The following ADARB2 variants were observed in gnomAD, a reference collection of about 807,000 sequenced individuals.
The protein encoded by ADARB2 is adenosine deaminase RNA specific B2 (inactive).
A neutral mutation model predicts 62.2 loss-of-function variants in ADARB2; 25 were observed. The ratio of observed to expected loss-of-function variants is 0.40; its 90% CI spans 0.29 to 0.56. The LOEUF is 0.56. Ranked by LOEUF, ADARB2 falls within the 20% of genes least tolerant of loss-of-function variation. The pLI is 0.43. For missense variants in ADARB2, 1,071 were observed against 1,077.4 expected (o/e 0.99, Z 0.08); for synonymous variants, 572 against 500.8 (o/e 1.14, Z -1.90).
At chr10:1,713,736 C>T (rs542213456) in intron 1 of ADARB2, among the ~76,000 whole-genome samples, 97 of 152,302 alleles carry the variant, frequency 6.4e-4, no homozygotes, top group Middle Eastern at 6.8e-3. Context: ...TGCCATGCTC[C>T]GGTCCCGTGG....
chr10:1,480,733 C>G (rs1033701855), intron 1 of ADARB2, among the ~76,000 whole-genome samples: 1 of 151,860 alleles, frequency 6.6e-6, no homozygotes, highest in Non-Finnish European at 1.5e-5. Flanking sequence ...ATGGTCTCAT[C>G]TAAAAGAATA....
rs375100582 is a variant in ADARB2 at position 1,302,086 on chromosome 10, C to T, written c.1078-31017G>A. Among the ~76,000 whole-genome samples the T allele has an allele frequency of 3.3e-3, 495 of 152,286 alleles. 7 individuals are homozygous for T. The highest frequency in any genetic ancestry group is 9.9e-3 in the East Asian group (51 of 5,172). On this transcript the variant is annotated intron_variant, in intron 3 of 9. Transcript: ENST00000381312. ...CTCCCAGCCTGAGCGACGCAGAAGA[C>T]GGGTGATTTCTGCATTTCCATCTGA... is the stretch of plus-strand genomic sequence containing the variant.
intron 1 of ADARB2, among the ~76,000 whole-genome samples, chr10:1,605,631 A>T (rs1441890082): frequency 6.6e-6 from 1 of 152,246 alleles, no homozygotes; most frequent in Non-Finnish European, 1.5e-5. Context: ...GCTTTTTATA[A>T]CTATTTTCTT....
Position 1,459,774 on chromosome 10 carries a change from T to A in ADARB2, c.101-80614A>T, listed in dbSNP as rs191273418. 6.9e-3 allele frequency among the ~76,000 whole-genome samples: 1,049 copies of A among 152,022 alleles called. 1 individual carries two copies. Among genetic ancestry groups the A allele is most frequent in the South Asian group, 0.027 (132 of 4,808 alleles). The stretch of plus-strand genomic sequence containing the variant: ...GAAACTCTGTCTCAAAAAAAAAGAA[T>A]GATGAAGCCACATGGACTCAGAGAG... On this transcript the variant is annotated intron_variant, in intron 1 of 9. Transcript: ENST00000381312.
At chr10:1,259,072 G>A (rs180788277) in intron 4 of ADARB2, among the ~76,000 whole-genome samples, 1 of 152,164 alleles carries the variant, frequency 6.6e-6, no homozygotes, top group African/African-American at 2.4e-5. Context: ...CGAAATGAAG[G>A]CAGAAATAAA....
chr10:1,318,837 C>T (rs1382524251), intron 3 of ADARB2, among the ~76,000 whole-genome samples: 1 of 152,184 alleles, frequency 6.6e-6, no homozygotes, highest in Non-Finnish European at 1.5e-5. Flanking sequence ...TCTCAGATCA[C>T]ACCCCACAAA....
chr10:1,309,063 G>A (rs1325566902), intron 3 of ADARB2, among the ~76,000 whole-genome samples: 2 of 152,092 alleles, frequency 1.3e-5, no homozygotes, highest in African/African-American at 4.8e-5. Flanking sequence ...TAGACTAACC[G>A]AAGTCCATGC....
intron 1 of ADARB2, among the ~76,000 whole-genome samples, chr10:1,709,977 G>C (rs11250755): frequency 2.6e-4 from 39 of 152,274 alleles, no homozygotes; most frequent in Non-Finnish European, 4.9e-4. Context: ...TTCCTTCCTG[G>C]TCATTTTATG....
intron 1 of ADARB2, among the ~76,000 whole-genome samples, chr10:1,662,047 G>T (rs952081260): frequency 6.6e-6 from 1 of 152,186 alleles, no homozygotes; most frequent in African/African-American, 2.4e-5. Flanking sequence ...CCCCAGGGAG[G>T]TCCACACCCT....
chr10:1,229,169 T>C (rs1830774861), intron 6 of ADARB2, among the ~76,000 whole-genome samples: 1 of 152,304 alleles, frequency 6.6e-6, no homozygotes, highest in South Asian at 2.1e-4. Flanking sequence ...CCTCCAGGAA[T>C]GGGGAATTTA....
chr10:1,644,594 C>T (rs1834015940), intron 1 of ADARB2, among the ~76,000 whole-genome samples: 1 of 152,270 alleles, frequency 6.6e-6, no homozygotes, highest in African/African-American at 2.4e-5. Context: ...ATTGCTGTCA[C>T]ATGAGCTTTG....
intron 3 of ADARB2, among the ~76,000 whole-genome samples, chr10:1,345,367 C>T (rs899500186): frequency 5.3e-5 from 8 of 152,164 alleles, no homozygotes; most frequent in South Asian, 2.1e-4. Flanking sequence ...TATGTTGCTC[C>T]GGACACCCAG....
chr10:1,657,252 G>T (rs1302304378), intron 1 of ADARB2, among the ~76,000 whole-genome samples: 1 of 152,158 alleles, frequency 6.6e-6, no homozygotes, highest in Non-Finnish European at 1.5e-5. Flanking sequence ...AAGCTCAATG[G>T]CACAGCTCAA....
chr10:1,587,732 T>C (rs561856068), intron 1 of ADARB2, among the ~76,000 whole-genome samples: 22 of 152,340 alleles, frequency 1.4e-4, no homozygotes, highest in South Asian at 2.1e-4. Flanking sequence ...TCATCTTGAA[T>C]TGTAGCTCCC....
intron 1 of ADARB2, among the ~76,000 whole-genome samples, chr10:1,461,778 T>A (rs940075931): frequency 1.3e-5 from 2 of 152,096 alleles, no homozygotes; most frequent in African/African-American, 4.8e-5. Flanking sequence ...GGCGGGCACA[T>A]CACCTGAGAC....
Position 1,308,117 on chromosome 10 carries a change from T to C in ADARB2, c.1078-37048A>G, listed in dbSNP as rs566552661. On this transcript the variant is annotated intron_variant, in intron 3 of 9. Coordinates refer to ENST00000381312, the MANE Select transcript of ADARB2 (RefSeq NM_018702.4). Reference sequence around the variant, plus strand: ...ATTAAAAAAAAAAAGTATCTCCCACTGTAGTACACACAGAGCAGTTTCCCT... The same window carrying C: ...ATTAAAAAAAAAAAGTATCTCCCACCGTAGTACACACAGAGCAGTTTCCCT... 2.0e-5 allele frequency among the ~76,000 whole-genome samples: 3 copies of C among 152,056 alleles called. No individual in the cohort carries two copies. In the South Asian group the frequency reaches 6.3e-4, roughly 32 times the overall value.
chr10:1,302,433 CGGCAGCGAGCCTGGGGG>C (rs1831583008), intron 3 of ADARB2, among the ~76,000 whole-genome samples: 2 of 152,214 alleles, frequency 1.3e-5, no homozygotes, highest in African/African-American at 4.8e-5. Context: ...AACTGCAAGG[CGGCAGCGAGCCTGGGGG>C]AGGGGCGCCC....
intron 1 of ADARB2, among the ~76,000 whole-genome samples, chr10:1,610,910 TCA>T (rs933657403): frequency 2.0e-4 from 30 of 151,568 alleles, no homozygotes; most frequent in African/African-American, 7.0e-4. Flanking sequence ...ACACACAGAC[TCA>T]CACACACACA....
At chr10:1,187,332 C>G (rs960795106) in intron 8 of ADARB2, among the ~76,000 whole-genome samples, 1 of 152,206 alleles carries the variant, frequency 6.6e-6, no homozygotes, top group Non-Finnish European at 1.5e-5. Flanking sequence ...GTGCACTGGG[C>G]AGCCTCCCCT....
Sources: gnomAD v4.1 joint callset for allele counts (sites outside exome capture counted in the v4.1 genomes callset) on GRCh38, gnomAD v4.1.1 for gene constraint, MANE v1.5 for transcripts, NCBI Gene and HGNC (gene_info 2026-07-23, HGNC 2026-07-21) for gene names.